NOL10: variants seen among roughly 807,000 people sequenced by gnomAD.
NOL10 encodes nucleolar protein 10.
A neutral mutation model predicts 103.5 loss-of-function variants in NOL10; 58 were observed. The ratio of observed to expected loss-of-function variants is 0.56; its 90% CI spans 0.45 to 0.70. The LOEUF is 0.70. Ranked by LOEUF, NOL10 falls within the 30% of genes least tolerant of loss-of-function variation. The pLI is 0.00. For synonymous variants in NOL10, 287 were observed against 282.5 expected, an observed-to-expected ratio of 1.02 and a Z score of -0.16; for missense variants, 763 against 807.3, an observed-to-expected ratio of 0.95 and a Z score of 0.67.
intron 13 of NOL10, among the ~76,000 whole-genome samples, chr2:10,608,859 T>C (rs534214610): frequency 6.6e-6 from 1 of 152,198 alleles, no homozygotes; most frequent in African/African-American, 2.4e-5. Context: ...CGAGCATATA[T>C]AGTCTTCCAC....
intron 17 of NOL10, among the ~76,000 whole-genome samples, chr2:10,595,639 C>A (rs1675649678): frequency 6.7e-6 from 1 of 148,388 alleles, no homozygotes; most frequent in Admixed American, 6.8e-5. Context: ...GAGTCTTGCT[C>A]TGTTGCCCAG....
At chr2:10,581,875 A>G (rs1674773660) in intron 19 of NOL10, among the ~76,000 whole-genome samples, 2 of 152,166 alleles carry the variant, frequency 1.3e-5, no homozygotes, top group African/African-American at 4.8e-5. Context: ...AGCTACAGGT[A>G]TAGATGTGTG....
intron 19 of NOL10, among the ~76,000 whole-genome samples, chr2:10,587,158 C>T (rs113626413): frequency 0.28 from 9,383 of 33,098 alleles, 3,364 homozygotes; most frequent in African/African-American, 0.62. Flanking sequence ...TACATATATA[C>T]ACATATATAC....
chr2:10,660,014 G>A (rs1257911708), intron 9 of NOL10, among the ~76,000 whole-genome samples: 1 of 152,126 alleles, frequency 6.6e-6, no homozygotes, highest in Non-Finnish European at 1.5e-5. Context: ...AAGACAATCA[G>A]CACCAAAAGC....
intron 19 of NOL10, among the ~76,000 whole-genome samples, chr2:10,581,629 C>G (rs1674760234): frequency 6.6e-6 from 1 of 152,110 alleles, no homozygotes; most frequent in East Asian, 1.9e-4. Flanking sequence ...AAGTTCAACA[C>G]CAGTCTGGGC....
chr2:10,588,928 C>T (rs1675255457), intron 19 of NOL10, 115 bp downstream of exon 19: 5 of 1,457,866 alleles, frequency 3.4e-6, no homozygotes, highest in South Asian at 1.3e-5. Context: ...GTCCCCTCCA[C>T]CCTCTGCACC....
At chr2:10,625,210 T>C (rs1375220709) in intron 13 of NOL10, among the ~76,000 whole-genome samples, 1 of 152,216 alleles carries the variant, frequency 6.6e-6, no homozygotes, top group Non-Finnish European at 1.5e-5. Context: ...CATGTCATTA[T>C]ACATTTGTCA....
intron 19 of NOL10, among the ~76,000 whole-genome samples, chr2:10,579,575 T>C (rs541534401): frequency 1.2e-3 from 152 of 130,650 alleles, no homozygotes; most frequent in Middle Eastern, 3.9e-3. Flanking sequence ...TTTTTTTTTT[T>C]CCGAACAATT....
At chr2:10,573,652 T>C (rs568085640) in intron 20 of NOL10, among the ~76,000 whole-genome samples, 95 of 109,590 alleles carry the variant, frequency 8.7e-4, no homozygotes, top group East Asian at 3.8e-3. Flanking sequence ...CAATTTGTAA[T>C]GTCAAAAAAA....
intron 13 of NOL10, among the ~76,000 whole-genome samples, chr2:10,624,933 T>C (rs1004066383): frequency 2.1e-4 from 32 of 152,172 alleles, no homozygotes; most frequent in African/African-American, 7.2e-4. Context: ...GAGAATGTTA[T>C]TCAGCGATAA....
chr2:10,688,973 C>T (rs576805967), intron 1 of NOL10, among the ~76,000 whole-genome samples: 9 of 152,168 alleles, frequency 5.9e-5, no homozygotes, highest in Non-Finnish European at 1.3e-4. Context: ...GGACTCAGGC[C>T]AACAGTGGCA....
chr2:10,653,409 C>T (rs764883006), intron 12 of NOL10, among the ~76,000 whole-genome samples: 1 of 152,154 alleles, frequency 6.6e-6, no homozygotes, highest in Non-Finnish European at 1.5e-5. Flanking sequence ...TGCTCTCTCA[C>T]CTGTGCTCCC....
intron 13 of NOL10, among the ~76,000 whole-genome samples, chr2:10,609,608 A>C (rs1676449841): frequency 6.6e-6 from 1 of 152,072 alleles, no homozygotes; most frequent in Non-Finnish European, 1.5e-5. Flanking sequence ...TCAAAAAAAA[A>C]GAAAGGACTT....
In NOL10 at chr2:10,657,883, T is replaced by A. The variant is rs1439349344; in HGVS notation, c.765A>T (p.Leu255Phe). Residue 255 changes from leucine to phenylalanine, a missense_variant, in exon 11 of 21, where the codon TTA becomes TTT. Coordinates refer to ENST00000381685, the MANE Select transcript of NOL10 (RefSeq NM_024894.4). ...ATGGCTTATCAGATCGAAGGTCATATAATAAAACCTGAAAAAAAATTATTT... is the reference window on the plus strand; with the variant it reads ...ATGGCTTATCAGATCGAAGGTCATAAAATAAAACCTGAAAAAAAATTATTT... ...AVGTTTGQVL[L>F]YDLRSDKPLL... 1.3e-6 allele frequency: 2 copies of A among 1,518,522 alleles called. No individual in the cohort carries two copies. Among genetic ancestry groups the A allele is most frequent in the East Asian group, 2.5e-5 (1 of 40,530 alleles). The allele number at this position is 1,518,522 out of a possible 1,614,324, so 94.1% of individuals were successfully genotyped here.
chr2:10,584,929 C>T (rs980990487), intron 19 of NOL10, among the ~76,000 whole-genome samples: 2 of 152,166 alleles, frequency 1.3e-5, no homozygotes, highest in Non-Finnish European at 2.9e-5. Flanking sequence ...CTACAGCCCC[C>T]AGGCAAAAGG....
intron 19 of NOL10, among the ~76,000 whole-genome samples, chr2:10,585,104 AT>A: frequency 6.6e-6 from 1 of 152,316 alleles, no homozygotes; most frequent in Non-Finnish European, 1.5e-5. Context: ...GAGTTGCCTG[AT>A]GTGTTGTCAT....
intron 12 of NOL10, among the ~76,000 whole-genome samples, chr2:10,651,071 G>A (rs898800698): frequency 6.6e-6 from 1 of 152,164 alleles, no homozygotes; most frequent in Non-Finnish European, 1.5e-5. Flanking sequence ...AAAGGTGGGG[G>A]AAGAGATGCA....
At chr2:10,689,532 A>G (rs1422703546) in intron 1 of NOL10, among the ~76,000 whole-genome samples, 1 of 152,240 alleles carries the variant, frequency 6.6e-6, no homozygotes, top group African/African-American at 2.4e-5. Flanking sequence ...GTTCTCTGGA[A>G]CAGAGAACTT....
chr2:10,602,627 GACAA>G (rs1393511154), intron 16 of NOL10, 145 bp downstream of exon 16: 10 of 601,196 alleles, frequency 1.7e-5, no homozygotes, highest in South Asian at 9.5e-5. Context: ...ACACACTGAT[GACAA>G]ACAAACTATA....
Sources: allele counts gnomAD v4.1 joint callset (sites outside exome capture counted in the v4.1 genomes callset), GRCh38; gene constraint gnomAD v4.1.1; transcripts MANE v1.5; gene names NCBI Gene and HGNC (gene_info 2026-07-23, HGNC 2026-07-21).